Variants in FGF14 observed in about 807,000 individuals in gnomAD.
The protein encoded by FGF14 is fibroblast growth factor 14, also known as fibroblast growth factor homologous factor 4.
A neutral mutation model predicts 25.5 loss-of-function variants in FGF14; 5 were observed. That is an observed-to-expected ratio of 0.20 (90% CI 0.10 to 0.41). FGF14 has a LOEUF of 0.41. Among genes scored for constraint, FGF14 ranks in the 10% least tolerant of loss-of-function variants. The probability of loss-of-function intolerance (pLI) is 1.00; values close to 1 mark genes in which losing one functional copy is unlikely to be tolerated. For synonymous variants in FGF14, 138 were observed against 118.3 expected, an observed-to-expected ratio of 1.17 and a Z score of -1.08; for missense variants, 222 against 320.1, an observed-to-expected ratio of 0.69 and a Z score of 2.34.
intron 1 of FGF14, among the ~76,000 whole-genome samples, chr13:102,015,197 C>T (rs774291216): frequency 7.9e-5 from 12 of 152,172 alleles, no homozygotes; most frequent in South Asian, 6.2e-4. Context: ...CGTGAGCCAC[C>T]GTGCTCAGCC....
intron 1 of FGF14, among the ~76,000 whole-genome samples, chr13:102,272,926 G>A (rs1220226431): frequency 1.3e-5 from 2 of 152,118 alleles, no homozygotes; most frequent in Non-Finnish European, 2.9e-5. Context: ...AGCTTCAAAC[G>A]TAGTTTAATT....
intron 1 of FGF14, among the ~76,000 whole-genome samples, chr13:102,345,826 G>C (rs1225221880): frequency 6.6e-6 from 1 of 152,140 alleles, no homozygotes; most frequent in Admixed American, 6.6e-5. Flanking sequence ...GATTTCTCTT[G>C]CTCTCCTTTT....
At chr13:101,911,402 C>T (rs1415127249) in intron 1 of FGF14, among the ~76,000 whole-genome samples, 1 of 152,110 alleles carries the variant, frequency 6.6e-6, no homozygotes, top group African/African-American at 2.4e-5. Context: ...TCAACTCAAT[C>T]TATGGATATA....
intron 1 of FGF14, among the ~76,000 whole-genome samples, chr13:102,041,042 T>G (rs566853253): frequency 6.6e-6 from 1 of 151,978 alleles, no homozygotes; most frequent in Admixed American, 6.6e-5. Context: ...ATGAACTGAA[T>G]TGAACTCCAC....
intron 1 of FGF14, among the ~76,000 whole-genome samples, chr13:101,898,021 A>G (rs2030965752): frequency 7.8e-6 from 1 of 129,028 alleles, no homozygotes; most frequent in Non-Finnish European, 1.6e-5. Context: ...CAGCCTCCTT[A>G]GTAGCTGGGA....
intron 3 of FGF14, among the ~76,000 whole-genome samples, chr13:101,775,445 T>C (rs1265887964): frequency 6.6e-6 from 1 of 152,192 alleles, no homozygotes; most frequent in Admixed American, 6.5e-5. Flanking sequence ...ATAGCTGCTA[T>C]TTTTATAAAT....
At chr13:101,996,304 G>A (rs2139701284) in intron 1 of FGF14, among the ~76,000 whole-genome samples, 1 of 152,304 alleles carries the variant, frequency 6.6e-6, no homozygotes. Flanking sequence ...GAGCTCAGTA[G>A]ATTGTGTTGA....
At chr13:102,002,048 A>G (rs576182802) in intron 1 of FGF14, 1 of 152,184 alleles carries the variant, frequency 6.6e-6, no homozygotes, top group Non-Finnish European at 1.5e-5. Context: ...ACAGGAGGCT[A>G]TAAAATATAA....
At chr13:102,306,236 C>T (rs1018509063) in intron 1 of FGF14, among the ~76,000 whole-genome samples, 2 of 152,164 alleles carry the variant, frequency 1.3e-5, no homozygotes, top group Non-Finnish European at 2.9e-5. Flanking sequence ...CACTGGAATA[C>T]AGCCAACACA....
chr13:101,760,961 AT>A (rs2037988349), intron 3 of FGF14, among the ~76,000 whole-genome samples: 1 of 152,152 alleles, frequency 6.6e-6, no homozygotes. Flanking sequence ...CTCTTGAAGG[AT>A]GAAAAAAAAA....
Position 101,721,874 on chromosome 13 carries a change from A to AAAT in FGF14, c.*954_*956dup, listed in dbSNP as rs973568534. On this transcript the variant is annotated 3_prime_UTR_variant, in exon 5 of 5. Coordinates refer to ENST00000376143, the MANE Select transcript of FGF14 (RefSeq NM_004115.4). ...CTGATTTTCCTTTTTTTTTTTTTCC[A>AAAT]AATAATGAGAATTAATAGATGAAAA... 3 of 148,788 alleles carry AAAT rather than the reference A, an allele frequency of 2.0e-5. No homozygotes were observed. Among genetic ancestry groups the AAAT allele is most frequent in the African/African-American group, 4.9e-5 (2 of 40,738 alleles). The allele number at this position is 148,788 out of a possible 1,614,324, so 9.2% of individuals were successfully genotyped here. A position where few individuals can be genotyped will look rare whatever the true frequency, so the allele number is the denominator to read the frequency against.
At chr13:102,071,822 C>T (rs1172583493) in intron 1 of FGF14, among the ~76,000 whole-genome samples, 1 of 152,040 alleles carries the variant, frequency 6.6e-6, no homozygotes, top group Non-Finnish European at 1.5e-5. Context: ...TCTGGGCAAT[C>T]GGAATAGGAG....
At chr13:101,921,653 C>T (rs2034016074), upstream of FGF14, among the ~76,000 whole-genome samples, 1 of 152,158 alleles carries the variant, frequency 6.6e-6, no homozygotes, top group African/African-American at 2.4e-5. Flanking sequence ...ACTTCAAAAC[C>T]AAAGTCCTCA....
intron 3 of FGF14, among the ~76,000 whole-genome samples, chr13:101,758,275 A>G (rs2037786573): frequency 6.6e-6 from 1 of 152,230 alleles, no homozygotes. Context: ...AGCTGAGAGC[A>G]GCAGTTCTAA....
At chr13:101,767,146 G>A (rs1351714148) in intron 3 of FGF14, among the ~76,000 whole-genome samples, 3 of 152,026 alleles carry the variant, frequency 2.0e-5, no homozygotes, top group East Asian at 3.9e-4. Context: ...ATATCTTTTT[G>A]TTCTAAATTT....
At chr13:101,821,817 G>T (rs1397869629) in intron 3 of FGF14, among the ~76,000 whole-genome samples, 4 of 152,160 alleles carry the variant, frequency 2.6e-5, no homozygotes, top group African/African-American at 9.7e-5. Flanking sequence ...TTGGCTATCT[G>T]TGTATCTTCT....
In FGF14 at chr13:101,916,595, C is replaced by A. The variant is rs2033526821; in HGVS notation, c.51G>T (p.Arg17=). 1 of 1,593,330 alleles carries A rather than the reference C, an allele frequency of 6.3e-7. No individual in the cohort carries two copies. The highest frequency in any genetic ancestry group is 1.1e-5 in the South Asian group (1 of 89,532). ...CAGACGGCCGGTCCCAGTGCTGCTCCCGCGCCTGCCGCTTCTGGCGGATCA... is the reference window on the plus strand; with the variant it reads ...CAGACGGCCGGTCCCAGTGCTGCTCACGCGCCTGCCGCTTCTGGCGGATCA... ...SGLIRQKRQA[R]EQHWDRPSAS... The change falls in exon 1 of 5, where the codon CGG becomes CGT. Residue 17 remains arginine, a synonymous_variant. Transcript: ENST00000376143.
At chr13:101,874,944 C>T (rs961130106) in intron 2 of FGF14, among the ~76,000 whole-genome samples, 1 of 152,004 alleles carries the variant, frequency 6.6e-6, no homozygotes, top group African/African-American at 2.4e-5. Context: ...GGTATGATAA[C>T]TGTCTGAATA....
chr13:102,206,446 T>C (rs9518652), intron 1 of FGF14, among the ~76,000 whole-genome samples: 59,567 of 151,996 alleles, frequency 0.39, 13,295 homozygotes, highest in African/African-American at 0.62. Flanking sequence ...TTTGGGAGGC[T>C]GAGGCGGGCA....
Sources: allele counts gnomAD v4.1 joint callset (sites outside exome capture counted in the v4.1 genomes callset), GRCh38; gene constraint gnomAD v4.1.1; transcripts MANE v1.5; gene names NCBI Gene and HGNC (gene_info 2026-07-23, HGNC 2026-07-21).